Variants in PCSK5 observed in about 807,000 individuals in gnomAD.
PCSK5 encodes the protein prohormone convertase 5.
Under a neutral mutation model 233.2 loss-of-function variants are expected in PCSK5, and 129 were observed. That is an observed-to-expected ratio of 0.55 (90% CI 0.48 to 0.64). The LOEUF (loss-of-function observed/expected upper bound fraction) is 0.64, where lower values mean the gene tolerates loss of function less well. PCSK5 is among the 30% of genes least tolerant of loss of function. The pLI, the probability that PCSK5 is intolerant of heterozygous loss-of-function variation, is 0.00. For missense variants in PCSK5, 2,076 were observed against 2,430.1 expected (o/e 0.85, Z 3.06); for synonymous variants, 825 against 879.2 (o/e 0.94, Z 1.09).
chr9:76,329,924 G>A (rs1182893361), intron 33 of PCSK5, among the ~76,000 whole-genome samples: 1 of 152,112 alleles, frequency 6.6e-6, no homozygotes, highest in Non-Finnish European at 1.5e-5. Flanking sequence ...GAGTGTGCAT[G>A]CTTGGCCAGC....
chr9:76,302,829 C>T (rs1254829133), intron 28 of PCSK5, among the ~76,000 whole-genome samples: 1 of 151,992 alleles, frequency 6.6e-6, no homozygotes, highest in African/African-American at 2.4e-5. Flanking sequence ...TGCCTTTTCT[C>T]CATTTTGCAC....
rs115763936 is a variant in PCSK5, at chr9:76,069,533, C to A, written c.721+1490C>A. On this transcript the variant is annotated intron_variant, in intron 6 of 37. Transcript: ENST00000674117. ...AGAACATTCTGAATAATAAATTTAA[C>A]CCCCATACCCAAGGCATGAAGGCTT... is the stretch of plus-strand genomic sequence containing the variant. Among the ~76,000 whole-genome samples, 891 of 151,366 alleles carry A rather than the reference C, an allele frequency of 5.9e-3. 9 individuals are homozygous for A. The highest frequency in any genetic ancestry group is 0.021 in the African/African-American group (868 of 41,248).
At chr9:76,150,564 C>A in intron 10 of PCSK5, among the ~76,000 whole-genome samples, 1 of 150,984 alleles carries the variant, frequency 6.6e-6, no homozygotes, top group Non-Finnish European at 1.5e-5. Context: ...ACCTGGGAGG[C>A]AGAGGTTGCA....
chr9:76,235,946 C>G (rs1171955069), intron 22 of PCSK5, among the ~76,000 whole-genome samples: 2 of 152,238 alleles, frequency 1.3e-5, no homozygotes, highest in Non-Finnish European at 2.9e-5. Flanking sequence ...TAAAAATCCT[C>G]CAGCCGGGGT....
chr9:76,056,814 ATTAG>A (rs1829836532), intron 5 of PCSK5, among the ~76,000 whole-genome samples: 1 of 152,116 alleles, frequency 6.6e-6, no homozygotes, highest in Non-Finnish European at 1.5e-5. Context: ...TTTTTAAGTT[ATTAG>A]TTTGTCTACA....
rs541514503 is a variant in PCSK5 at position 76,290,894 on chromosome 9, G to A, written c.3143-1339G>A. On this transcript the variant is annotated intron_variant, in intron 24 of 37. Coordinates refer to ENST00000674117, the MANE Select transcript of PCSK5 (RefSeq NM_001372043.1). ...CAACTTCAGAATCTGTGACTTTCCA[G>A]AAGTCTTAACAACCATCTTGTCCAA... Among the ~76,000 whole-genome samples the A allele has an allele frequency of 1.9e-4, 29 of 152,340 alleles. No homozygotes were observed. In the South Asian group the frequency reaches 5.8e-3, roughly 30 times the overall value.
At chr9:76,327,888 C>T in intron 32 of PCSK5, 121 bp from the exon 33 acceptor site, 1 of 731,686 alleles carries the variant, frequency 1.4e-6, no homozygotes, top group Non-Finnish European at 2.5e-6. Flanking sequence ...TGGCCCAGAG[C>T]TCTGGAAATC....
intron 30 of PCSK5, among the ~76,000 whole-genome samples, chr9:76,314,947 G>A (rs963289085): frequency 4.0e-5 from 6 of 148,570 alleles, no homozygotes; most frequent in African/African-American, 1.5e-4. Flanking sequence ...GCCAAAAATA[G>A]GTTTTAACAG....
chr9:76,323,963 C>T (rs924147587), intron 32 of PCSK5, among the ~76,000 whole-genome samples: 22 of 142,520 alleles, frequency 1.5e-4, no homozygotes, highest in African/African-American at 5.8e-4. Context: ...CAGAGTCTCA[C>T]TCTGTTGGCT....
intron 3 of PCSK5, among the ~76,000 whole-genome samples, chr9:75,994,029 C>T (rs893822920): frequency 4.6e-5 from 7 of 152,112 alleles, no homozygotes; most frequent in Non-Finnish European, 1.0e-4. Context: ...GGAACCCTCC[C>T]GAAACTCAAG....
chr9:76,200,286 C>A (rs1824865803), intron 20 of PCSK5, among the ~76,000 whole-genome samples: 1 of 152,204 alleles, frequency 6.6e-6, no homozygotes, highest in Admixed American at 6.5e-5. Flanking sequence ...ACTTTCTTTT[C>A]ATCCTTCAAA....
intron 6 of PCSK5, among the ~76,000 whole-genome samples, chr9:76,070,710 A>G (rs1296733673): frequency 6.6e-6 from 1 of 152,174 alleles, no homozygotes; most frequent in African/African-American, 2.4e-5. Context: ...AGTTCCTTCA[A>G]TAATATTTTT....
intron 7 of PCSK5, among the ~76,000 whole-genome samples, chr9:76,076,688 C>A (rs1231486431): frequency 6.6e-6 from 1 of 152,134 alleles, no homozygotes; most frequent in Non-Finnish European, 1.5e-5. Flanking sequence ...ATAAGATAAG[C>A]ATTTGGCTCA....
intron 5 of PCSK5, among the ~76,000 whole-genome samples, chr9:76,064,127 G>GT (rs1830153303): frequency 8.2e-6 from 1 of 122,110 alleles, no homozygotes; most frequent in Admixed American, 7.3e-5. Flanking sequence ...GGCTGGCTGG[G>GT]CGGAGGGCTG....
At chr9:76,225,529 C>T (rs1460131949) in intron 20 of PCSK5, among the ~76,000 whole-genome samples, 3 of 152,198 alleles carry the variant, frequency 2.0e-5, no homozygotes, top group African/African-American at 7.2e-5. Context: ...CTGAGTCTGC[C>T]TTGGGTCCTC....
intron 26 of PCSK5, among the ~76,000 whole-genome samples, chr9:76,296,101 A>C (rs1297933488): frequency 6.6e-6 from 1 of 152,152 alleles, no homozygotes; most frequent in Non-Finnish European, 1.5e-5. Flanking sequence ...ATTTTTTTAG[A>C]TGGAGTCTCA....
chr9:75,932,601 T>C (rs1260986944), intron 2 of PCSK5, 118 bp downstream of exon 2: 2 of 678,662 alleles, frequency 2.9e-6, no homozygotes, highest in Non-Finnish European at 5.3e-6. Context: ...ACTGTCATAT[T>C]ATCCTTTGGT....
rs150491062 is a variant in PCSK5, at chr9:76,021,401, C to A, written c.412-2337C>A. On this transcript the variant is annotated intron_variant, in intron 3 of 37. Transcript: ENST00000674117. ...TGTATTTCTAAGTTCAGAGAAGAGA[C>A]AAAGACAAGTAGGCTGAAAAAGGCT... Among the ~76,000 whole-genome samples, 279 of 151,572 alleles carry A rather than the reference C, an allele frequency of 1.8e-3. 1 individual carries two copies. Among genetic ancestry groups the A allele is most frequent in the African/African-American group, 6.4e-3 (265 of 41,260 alleles).
intron 20 of PCSK5, among the ~76,000 whole-genome samples, chr9:76,210,606 A>G (rs766015193): frequency 9.9e-5 from 15 of 152,190 alleles, no homozygotes; most frequent in Non-Finnish European, 1.8e-4. Context: ...AGGCTCTTGT[A>G]TGTCATTCCT....
Sources: gnomAD v4.1 joint callset for allele counts (sites outside exome capture counted in the v4.1 genomes callset) on GRCh38, gnomAD v4.1.1 for gene constraint, MANE v1.5 for transcripts, NCBI Gene and HGNC (gene_info 2026-07-23, HGNC 2026-07-21) for gene names.